The following PTPN14 variants were observed in gnomAD, a reference collection of about 807,000 sequenced individuals.
PTPN14 encodes tyrosine-protein phosphatase non-receptor type 14.
PTPN14 carries 53 observed loss-of-function variants against 126.8 expected under a neutral mutation model. The ratio of observed to expected loss-of-function variants is 0.42; its 90% confidence interval spans 0.34 to 0.53. PTPN14 has a LOEUF of 0.53. Ranked by LOEUF, PTPN14 falls within the 20% of genes least tolerant of loss-of-function variation. The probability of loss-of-function intolerance (pLI) is 0.08; values close to 1 mark genes in which losing one functional copy is unlikely to be tolerated. For synonymous variants in PTPN14, 630 were observed against 599.3 expected, an observed-to-expected ratio of 1.05 and a Z score of -0.75; for missense variants, 1,257 against 1,552.9, an observed-to-expected ratio of 0.81 and a Z score of 3.20.
chr1:214,389,506 G>A (rs1052110151), intron 11 of PTPN14, among the ~76,000 whole-genome samples: 4 of 152,212 alleles, frequency 2.6e-5, no homozygotes, highest in African/African-American at 9.6e-5. Flanking sequence ...TATCAGCAAG[G>A]AAGCCAAGAG....
At chr1:214,358,451 C>T (rs958644615) in intron 18 of PTPN14, among the ~76,000 whole-genome samples, 1 of 151,754 alleles carries the variant, frequency 6.6e-6, no homozygotes, top group African/African-American at 2.4e-5. Flanking sequence ...ATTTTGAATA[C>T]AGACTAGTCT....
chr1:214,433,133 G>C (rs1326311977), intron 3 of PTPN14, among the ~76,000 whole-genome samples: 1 of 152,012 alleles, frequency 6.6e-6, no homozygotes, highest in Admixed American at 6.6e-5. Context: ...TTCATCTCCT[G>C]ACCTCATGAT....
chr1:214,541,009 C>T (rs1273366389), intron 1 of PTPN14, among the ~76,000 whole-genome samples: 4 of 152,094 alleles, frequency 2.6e-5, no homozygotes, highest in African/African-American at 9.7e-5. Context: ...ATGTACTCTG[C>T]ATCAGATGCC....
Position 214,384,927 on chromosome 1 carries a change from A to G in PTPN14, c.1067-139T>C, listed in dbSNP as rs1432296519. 1 of 969,998 alleles carries G rather than the reference A, an allele frequency of 1.0e-6. No homozygotes were observed. The highest frequency in any genetic ancestry group is 1.5e-6 in the Non-Finnish European group (1 of 662,984). The allele number at this position is 969,998 out of a possible 1,614,324, so 60.1% of individuals were successfully genotyped here. Reference sequence around the variant, plus strand: ...CCCATGGTCTCCACCCACATGTTCTATAGAATAACAGATACTATCTTGGAT... The same window carrying G: ...CCCATGGTCTCCACCCACATGTTCTGTAGAATAACAGATACTATCTTGGAT... On this transcript the variant is annotated intron_variant, in intron 12 of 18. Transcript: ENST00000366956. The surrounding 1 kb of genome is among the most constrained non-coding windows in gnomAD (Gnocchi z 5.3).
chr1:214,517,992 A>C (rs776304311), intron 1 of PTPN14, among the ~76,000 whole-genome samples: 9 of 152,160 alleles, frequency 5.9e-5, no homozygotes, highest in Non-Finnish European at 1.0e-4. Flanking sequence ...AGACCTCTAA[A>C]GAAGGTACTT....
intron 2 of PTPN14, among the ~76,000 whole-genome samples, chr1:214,457,492 A>T (rs1195556490): frequency 6.6e-6 from 1 of 152,150 alleles, no homozygotes; most frequent in Non-Finnish European, 1.5e-5. Context: ...TGCCTTTGTT[A>T]TATCATTTAT....
intron 3 of PTPN14, among the ~76,000 whole-genome samples, chr1:214,451,520 C>T (rs778801487): frequency 1.3e-5 from 2 of 152,016 alleles, no homozygotes; most frequent in African/African-American, 2.4e-5. Context: ...CCACAGTCTC[C>T]GATGAATATT....
intron 1 of PTPN14, chr1:214,528,265 C>T (rs1655451750): frequency 6.6e-6 from 1 of 152,150 alleles, no homozygotes; most frequent in Non-Finnish European, 1.5e-5. Flanking sequence ...GAAAAAAAGA[C>T]ACTATATGTA....
At chr1:214,461,904 T>C (rs976622872) in intron 2 of PTPN14, among the ~76,000 whole-genome samples, 1 of 152,188 alleles carries the variant, frequency 6.6e-6, no homozygotes, top group African/African-American at 2.4e-5. Context: ...ATGACCCAAA[T>C]ACAAATTCAA....
At chr1:214,504,460 C>T (rs1270010314) in intron 1 of PTPN14, among the ~76,000 whole-genome samples, 1 of 152,160 alleles carries the variant, frequency 6.6e-6, no homozygotes, top group East Asian at 1.9e-4. Flanking sequence ...ACCAAAACTG[C>T]CTTCTGCCCT....
At chr1:214,534,857 T>G (rs1226734612) in intron 1 of PTPN14, among the ~76,000 whole-genome samples, 1 of 152,080 alleles carries the variant, frequency 6.6e-6, no homozygotes, top group African/African-American at 2.4e-5. Flanking sequence ...ACCCAGTGAG[T>G]CTTGGCTTGG....
At chr1:214,415,632 C>T (rs1659408807) in intron 3 of PTPN14, among the ~76,000 whole-genome samples, 1 of 152,180 alleles carries the variant, frequency 6.6e-6, no homozygotes, top group Non-Finnish European at 1.5e-5. Context: ...CCCAACTTTC[C>T]TGGAGAGAGG....
intron 14 of PTPN14, 98 bp downstream of exon 14, chr1:214,377,861 A>G: frequency 7.1e-7 from 1 of 1,398,832 alleles, no homozygotes; most frequent in South Asian, 1.3e-5. Context: ...GAAAGAATGC[A>G]TCACACAAAT....
intron 1 of PTPN14, among the ~76,000 whole-genome samples, chr1:214,495,947 G>A (rs1015037909): frequency 4.6e-5 from 7 of 152,042 alleles, no homozygotes; most frequent in African/African-American, 1.2e-4. Context: ...GCCCTGCCTC[G>A]GCCTCCCAAA....
chr1:214,473,921 TC>T (rs1660814242), intron 1 of PTPN14, among the ~76,000 whole-genome samples: 1 of 152,222 alleles, frequency 6.6e-6, no homozygotes, highest in Non-Finnish European at 1.5e-5. Flanking sequence ...TAAAGCTTTT[TC>T]TGCAAAGTTT....
Position 214,364,073 on chromosome 1 carries a change from T to C in PTPN14, c.3435+439A>G, listed in dbSNP as rs992322078. 6.6e-6 allele frequency among the ~76,000 whole-genome samples: 1 copy of C among 152,154 alleles called. No homozygotes were observed. The highest frequency in any genetic ancestry group is 1.5e-5 in the Non-Finnish European group (1 of 68,014). On this transcript the variant is annotated intron_variant, in intron 18 of 18. Coordinates refer to ENST00000366956, the MANE Select transcript of PTPN14 (RefSeq NM_005401.5). This position sits in a 1 kb window ranked among gnomAD's most constrained non-coding sequence, Gnocchi z 4.1. Reference sequence around the variant, plus strand: ...ACCCCTCAAACCTCACTCTGAAGAATGAAAAACATTTTCCAAGTAGACACA... The same window carrying C: ...ACCCCTCAAACCTCACTCTGAAGAACGAAAAACATTTTCCAAGTAGACACA...
intron 1 of PTPN14, chr1:214,530,947 C>G (rs1052789608): frequency 2.0e-5 from 3 of 152,166 alleles, no homozygotes; most frequent in Non-Finnish European, 4.4e-5. Context: ...CCCATTTACT[C>G]TGAACCTCAG....
chr1:214,502,977 A>G (rs183109595), intron 1 of PTPN14, among the ~76,000 whole-genome samples: 13 of 152,290 alleles, frequency 8.5e-5, no homozygotes, highest in Admixed American at 8.5e-4. Flanking sequence ...TTGAAAATAT[A>G]TATTACCAGC....
intron 1 of PTPN14, chr1:214,528,648 G>T (rs1042230369): frequency 6.6e-6 from 1 of 152,076 alleles, no homozygotes; most frequent in African/African-American, 2.4e-5. Context: ...TGAGGTATGG[G>T]GGCTGGGCGC....
Sources: allele counts gnomAD v4.1 joint callset (sites outside exome capture counted in the v4.1 genomes callset), GRCh38; gene constraint gnomAD v4.1.1; non-coding constraint Gnocchi (gnomAD v3.1); transcripts MANE v1.5; gene names NCBI Gene and HGNC (gene_info 2026-07-23, HGNC 2026-07-21).